Variants in CPHXL2 observed in about 807,000 individuals in gnomAD.
The protein encoded by CPHXL2 is cytoplasmic polyadenylated homeobox-like protein 2.
chr16:75,666,298 C>G, the CPHXL2 span, among the ~76,000 whole-genome samples: 1 of 152,014 alleles, frequency 6.6e-6, no homozygotes, highest in African/African-American at 2.4e-5. Flanking sequence ...ACTACCAGAC[C>G]TAAGAAATGG....
At chr16:75,673,403 G>A in the CPHXL2 span, among the ~76,000 whole-genome samples, 1 of 151,864 alleles carries the variant, frequency 6.6e-6, no homozygotes, top group South Asian at 2.1e-4. Context: ...CCACTGCACT[G>A]TAGCCTAGGA....
At chr16:75,670,690 T>A in the CPHXL2 span, among the ~76,000 whole-genome samples, 7,387 of 152,148 alleles carry the variant, frequency 0.049, 607 homozygotes, top group African/African-American at 0.17. Flanking sequence ...GAAATGAGGT[T>A]TCCCCATGTT....
At chr16:75,660,964 C>T in the CPHXL2 span, 1 of 398,776 alleles carries the variant, frequency 2.5e-6, no homozygotes, top group East Asian at 3.6e-5. Context: ...ATGGAGCCCA[C>T]CTGTTGACTG....
chr16:75,672,026 C>T, the CPHXL2 span, among the ~76,000 whole-genome samples: 1 of 151,084 alleles, frequency 6.6e-6, no homozygotes, highest in Non-Finnish European at 1.5e-5. Flanking sequence ...AATCCCAGCA[C>T]TTTGGGAGCC....
the CPHXL2 span, among the ~76,000 whole-genome samples, chr16:75,670,703 C>A: frequency 6.6e-6 from 1 of 152,036 alleles, no homozygotes; most frequent in Non-Finnish European, 1.5e-5. Context: ...CCCATGTTGG[C>A]CAAGGCTGAT....
chr16:75,675,421 G>C, the CPHXL2 span, among the ~76,000 whole-genome samples: 8 of 151,998 alleles, frequency 5.3e-5, no homozygotes, highest in Non-Finnish European at 1.5e-5. Context: ...CACATTTCCA[G>C]ACAACTTATT....
the CPHXL2 span, chr16:75,669,315 TAA>T: frequency 3.6e-4 from 132 of 370,216 alleles, no homozygotes; most frequent in Non-Finnish European, 5.0e-4. Context: ...AGACCTTTCC[TAA>T]AAAAAAAAAA....
the CPHXL2 span, among the ~76,000 whole-genome samples, chr16:75,671,319 T>A: frequency 4.8e-3 from 677 of 140,886 alleles, 6 homozygotes; most frequent in African/African-American, 0.017. Flanking sequence ...GAGAGATCGC[T>A]ACACTCTACT....
chr16:75,668,590 C>A, the CPHXL2 span, among the ~76,000 whole-genome samples: 1 of 152,122 alleles, frequency 6.6e-6, no homozygotes, highest in Non-Finnish European at 1.5e-5. Flanking sequence ...ATACCAAGAT[C>A]TGAGGATGTT....
At chr16:75,669,290 T>G in the CPHXL2 span, 3 of 392,502 alleles carry the variant, frequency 7.6e-6, 1 homozygote, top group Non-Finnish European at 1.3e-5. Flanking sequence ...CACTCCAGAC[T>G]GGGCGACTGG....
At chr16:75,661,005 T>A in the CPHXL2 span, 1 of 400,012 alleles carries the variant, frequency 2.5e-6, no homozygotes. Context: ...AGAGAAGCAA[T>A]TGTAGCCCAT....
chr16:75,669,348 C>T, the CPHXL2 span: 18 of 399,824 alleles, frequency 4.5e-5, no homozygotes, highest in Non-Finnish European at 6.2e-5. Flanking sequence ...AACATGCATA[C>T]GAGGTTGAAC....
chr16:75,672,748 C>A, the CPHXL2 span, among the ~76,000 whole-genome samples: 1 of 152,124 alleles, frequency 6.6e-6, no homozygotes, highest in Non-Finnish European at 1.5e-5. Context: ...CCTTGGCCAC[C>A]CAAAGTGTTG....
the CPHXL2 span, among the ~76,000 whole-genome samples, chr16:75,673,000 A>G: frequency 2.0e-5 from 3 of 150,406 alleles, no homozygotes; most frequent in East Asian, 6.0e-4. Context: ...GCTTGAGCCC[A>G]GGAAGCTGAG....
chr16:75,675,697 T>A, the CPHXL2 span, among the ~76,000 whole-genome samples: 1 of 152,136 alleles, frequency 6.6e-6, no homozygotes, highest in Non-Finnish European at 1.5e-5. Flanking sequence ...CATCCCAAAG[T>A]TTTTATGGTT....
At chr16:75,662,829 C>A in the CPHXL2 span, among the ~76,000 whole-genome samples, 1 of 141,538 alleles carries the variant, frequency 7.1e-6, no homozygotes, top group East Asian at 2.1e-4. Flanking sequence ...GACGGAGTCT[C>A]GCTCTGTCGT....
the CPHXL2 span, among the ~76,000 whole-genome samples, chr16:75,668,477 G>T: frequency 1.9e-3 from 296 of 152,192 alleles, 2 homozygotes; most frequent in African/African-American, 6.7e-3. Context: ...TTCGCCCACT[G>T]TGGCCTCCCA....
the CPHXL2 span, among the ~76,000 whole-genome samples, chr16:75,674,652 A>G: frequency 1.5e-4 from 23 of 152,258 alleles, no homozygotes; most frequent in Non-Finnish European, 2.6e-4. Flanking sequence ...ATCTTGAAAA[A>G]GAACAAAGAT....
chr16:75,661,640 A>C, the CPHXL2 span, among the ~76,000 whole-genome samples: 1 of 152,014 alleles, frequency 6.6e-6, no homozygotes, highest in Non-Finnish European at 1.5e-5. Flanking sequence ...GATTGTTCCT[A>C]CAACCCTGCT....
Sources: allele counts gnomAD v4.1 joint callset (sites outside exome capture counted in the v4.1 genomes callset), GRCh38; gene constraint gnomAD v4.1.1; transcripts MANE v1.5; gene names NCBI Gene and HGNC (gene_info 2026-07-23, HGNC 2026-07-21).